TRAPPC9: variants seen among roughly 807,000 people sequenced by gnomAD.
TRAPPC9 encodes the protein IKK2 binding protein.
Under a neutral mutation model 124.0 loss-of-function variants are expected in TRAPPC9, and 83 were observed. The observed-to-expected ratio is 0.67, with a 90% CI of 0.56 to 0.80. TRAPPC9 has a LOEUF of 0.80. Among genes scored for constraint, TRAPPC9 ranks in the 30% least tolerant of loss-of-function variants. The probability of loss-of-function intolerance (pLI) is 0.00; values close to 1 mark genes in which losing one functional copy is unlikely to be tolerated. For missense variants in TRAPPC9, 1,302 were observed against 1,508.3 expected, an observed-to-expected ratio of 0.86 and a Z score of 2.27; for synonymous variants, 638 against 617.5, an observed-to-expected ratio of 1.03 and a Z score of -0.49.
intron 15 of TRAPPC9, among the ~76,000 whole-genome samples, chr8:140,256,077 A>C (rs1360598096): frequency 2.0e-5 from 3 of 152,220 alleles, no homozygotes; most frequent in Non-Finnish European, 4.4e-5. Flanking sequence ...TAAAAATCTA[A>C]ACACTTCAGT....
intron 9 of TRAPPC9, among the ~76,000 whole-genome samples, chr8:140,348,816 G>A (rs1447701993): frequency 1.3e-5 from 2 of 152,126 alleles, no homozygotes; most frequent in Non-Finnish European, 2.9e-5. Context: ...GCATGAGGCC[G>A]AGGGGAATCA....
At chr8:139,910,834 C>G (rs367925384) in intron 19 of TRAPPC9, among the ~76,000 whole-genome samples, 4 of 152,190 alleles carry the variant, frequency 2.6e-5, no homozygotes, top group Non-Finnish European at 5.9e-5. Context: ...AATGTCTGTA[C>G]CCCTATTGTA....
At chr8:140,121,667 C>T (rs934135399) in intron 17 of TRAPPC9, among the ~76,000 whole-genome samples, 2 of 152,206 alleles carry the variant, frequency 1.3e-5, no homozygotes, top group Admixed American at 6.5e-5. Context: ...GGCAAAATTG[C>T]ATGTCTATCC....
intron 5 of TRAPPC9, among the ~76,000 whole-genome samples, chr8:140,423,609 C>T (rs1344443174): frequency 1.4e-5 from 2 of 147,042 alleles, no homozygotes; most frequent in Non-Finnish European, 1.5e-5. Context: ...CACACACACA[C>T]ATCACATATA....
intron 19 of TRAPPC9, chr8:139,932,718 G>C (rs754392700): frequency 1.6e-5 from 6 of 366,378 alleles, no homozygotes; most frequent in Non-Finnish European, 2.7e-5. Context: ...GAGCCGAGAT[G>C]GTACCTCTGC....
At position 139,825,377 on chromosome 8, in the gene TRAPPC9, A is replaced by G. The variant is rs1825554439; in HGVS notation, c.3055+60502T>C. Among the ~76,000 whole-genome samples the G allele has an allele frequency of 6.6e-6, 1 of 152,160 alleles. No homozygotes were observed. The highest frequency in any genetic ancestry group is 6.5e-5 in the Admixed American group (1 of 15,276). On this transcript the variant is annotated intron_variant, in intron 21 of 22. Transcript: ENST00000438773. This position sits in a 1 kb window ranked among gnomAD's most constrained non-coding sequence, Gnocchi z 4.6. ...CGGCACTGGCATCCTGTGAGGATGA[A>G]GGCCTGTCCATCCCATGGCTGTGCA...
chr8:139,905,282 C>G (rs1831284091), intron 20 of TRAPPC9, among the ~76,000 whole-genome samples: 1 of 152,076 alleles, frequency 6.6e-6, no homozygotes, highest in Non-Finnish European at 1.5e-5. Context: ...AATCAGCAGG[C>G]TGATGTGGGC....
chr8:140,420,783 C>T (rs1369175199), intron 5 of TRAPPC9, among the ~76,000 whole-genome samples: 1 of 151,942 alleles, frequency 6.6e-6, no homozygotes, highest in African/African-American at 2.4e-5. Context: ...AAATTGAAAA[C>T]TTAAAAGCAA....
intron 9 of TRAPPC9, among the ~76,000 whole-genome samples, chr8:140,356,248 C>T (rs1331245372): frequency 6.6e-6 from 1 of 152,234 alleles, no homozygotes; most frequent in African/African-American, 2.4e-5. Flanking sequence ...TGCTCGTCCA[C>T]TCTCTGTTCT....
intron 16 of TRAPPC9, among the ~76,000 whole-genome samples, chr8:140,244,316 C>A (rs866986001): frequency 6.6e-6 from 1 of 152,302 alleles, no homozygotes; most frequent in Middle Eastern, 3.4e-3. Context: ...GATTAGCTGA[C>A]ATCTACCGTC....
intron 21 of TRAPPC9, among the ~76,000 whole-genome samples, chr8:139,823,429 G>C (rs904427707): frequency 1.3e-5 from 2 of 151,972 alleles, no homozygotes; most frequent in African/African-American, 2.4e-5. Context: ...AAGGTGCCCA[G>C]GGTGTGGGTG....
At chr8:140,221,398 G>C (rs2063334054) in intron 17 of TRAPPC9, 61 bp downstream of exon 17, 1 of 1,610,420 alleles carries the variant, frequency 6.2e-7, no homozygotes, top group Non-Finnish European at 8.5e-7. Context: ...CTGTGCTTCA[G>C]AAACGGCTTT....
chr8:140,043,195 C>T (rs1841375663), intron 17 of TRAPPC9, among the ~76,000 whole-genome samples: 1 of 152,324 alleles, frequency 6.6e-6, no homozygotes, highest in Admixed American at 6.5e-5. Context: ...ATTTCTTCTT[C>T]CAGTCTATAA....
intron 5 of TRAPPC9, among the ~76,000 whole-genome samples, chr8:140,425,324 C>T (rs2070384720): frequency 6.6e-6 from 1 of 152,176 alleles, no homozygotes; most frequent in Non-Finnish European, 1.5e-5. Flanking sequence ...CATTTGGGAC[C>T]ATTACAGAGG....
rs1029777050 is a variant in TRAPPC9, at chr8:139,788,265, G to C, written c.3056-56063C>G. Among the ~76,000 whole-genome samples, 16 of 152,210 alleles carry C rather than the reference G, an allele frequency of 1.1e-4. No homozygotes were observed. Among genetic ancestry groups the C allele is most frequent in the African/African-American group, 3.9e-4 (16 of 41,448 alleles). The stretch of plus-strand genomic sequence containing the variant: ...GAGCTTCAGGTCCTGGGTGGCTAAT[G>C]TGTGTGTCAGTGTATGTTGGAGGAG... On this transcript the variant is annotated intron_variant, in intron 21 of 22. Coordinates refer to ENST00000438773, the MANE Select transcript of TRAPPC9 (RefSeq NM_001160372.4). This position sits in a 1 kb window ranked among gnomAD's most constrained non-coding sequence, Gnocchi z 4.9.
chr8:140,092,202 CT>C (rs59459486), intron 17 of TRAPPC9, among the ~76,000 whole-genome samples: 3,359 of 134,004 alleles, frequency 0.025, 61 homozygotes, highest in African/African-American at 0.081. Flanking sequence ...TTTAATTTTT[CT>C]TTTTTTTTTT....
intron 15 of TRAPPC9, among the ~76,000 whole-genome samples, chr8:140,253,664 C>A (rs2064180873): frequency 2.0e-5 from 3 of 150,808 alleles, no homozygotes; most frequent in South Asian, 2.1e-4. Context: ...GGCAACAGAG[C>A]AAGACTCCAT....
intron 18 of TRAPPC9, among the ~76,000 whole-genome samples, chr8:140,001,303 G>A (rs749612369): frequency 6.6e-5 from 10 of 151,956 alleles, no homozygotes; most frequent in Admixed American, 3.9e-4. Context: ...ACGAGTTGAT[G>A]GGTGCAGCAA....
chr8:140,222,203 T>C (rs1401892162), intron 16 of TRAPPC9, among the ~76,000 whole-genome samples: 1 of 152,156 alleles, frequency 6.6e-6, no homozygotes, highest in Non-Finnish European at 1.5e-5. Context: ...TTGACCTTAG[T>C]CTAAGTGCTA....
Sources: gnomAD v4.1 joint callset for allele counts (sites outside exome capture counted in the v4.1 genomes callset) on GRCh38, gnomAD v4.1.1 for gene constraint, Gnocchi (gnomAD v3.1) non-coding constraint, MANE v1.5 for transcripts, NCBI Gene and HGNC (gene_info 2026-07-23, HGNC 2026-07-21) for gene names.